TOM1L2: variants seen among roughly 807,000 people sequenced by gnomAD.
The protein encoded by TOM1L2 is target of myb1 like 2 membrane trafficking protein.
A neutral mutation model predicts 67.9 loss-of-function variants in TOM1L2; 31 were observed. That is an observed-to-expected ratio of 0.46 (90% CI 0.34 to 0.62). The LOEUF (loss-of-function observed/expected upper bound fraction) is 0.62, where lower values mean the gene tolerates loss of function less well. TOM1L2 is among the 20% of genes least tolerant of loss of function. The pLI, the probability that TOM1L2 is intolerant of heterozygous loss-of-function variation, is 0.01. For missense variants in TOM1L2, 606 were observed against 663.5 expected (o/e 0.91, Z 0.95); for synonymous variants, 256 against 254.0 (o/e 1.01, Z -0.07).
intron 9 of TOM1L2, 145 bp from the exon 10 acceptor site, chr17:17,866,564 G>A: frequency 3.6e-6 from 4 of 1,109,480 alleles, no homozygotes; most frequent in Non-Finnish European, 5.0e-6. Flanking sequence ...TCCCCCACCT[G>A]CCTTCCAGGT....
intron 12 of TOM1L2, chr17:17,859,450 G>C (rs777272185): frequency 6.6e-6 from 1 of 152,276 alleles, no homozygotes; most frequent in African/African-American, 2.4e-5. Context: ...CTTGGGATGG[G>C]ACAAGGTAAC....
intron 7 of TOM1L2, among the ~76,000 whole-genome samples, chr17:17,873,171 G>C (rs2037240772): frequency 6.6e-6 from 1 of 152,132 alleles, no homozygotes; most frequent in South Asian, 2.1e-4. Flanking sequence ...AAGGCCTCAG[G>C]ATGTTTCCCC....
In TOM1L2 at chr17:17,898,559, C is replaced by T. The variant is rs761760720; in HGVS notation, c.216+37G>A. 8.1e-6 allele frequency: 13 copies of T among 1,609,066 alleles called. No homozygotes were observed. In the African/African-American group the frequency reaches 1.7e-4, roughly 22 times the overall value. On this transcript the variant is annotated intron_variant, in intron 3 of 14. Transcript: ENST00000379504. ...GGCAAGGCCAGGAGCAAGGAGTTCC[C>T]CAGATGACTTCTCTCCTCAAGGAGA... is the stretch of plus-strand genomic sequence containing the variant.
At chr17:17,915,874 A>G (rs7207043) in intron 1 of TOM1L2, among the ~76,000 whole-genome samples, 72,355 of 147,326 alleles carry the variant, frequency 0.49, 18,955 homozygotes, top group East Asian at 0.86. Context: ...TTAAGCTGTA[A>G]GAGTTCTTTA....
chr17:17,905,361 G>GGGAAAC (rs2039045098), intron 2 of TOM1L2, among the ~76,000 whole-genome samples: 1 of 152,192 alleles, frequency 6.6e-6, no homozygotes, highest in African/African-American at 2.4e-5. Context: ...TCAGGAAACA[G>GGGAAAC]CAGCTCCATC....
chr17:17,957,260 C>T (rs1037573979), intron 1 of TOM1L2, among the ~76,000 whole-genome samples: 6 of 152,252 alleles, frequency 3.9e-5, no homozygotes, highest in Non-Finnish European at 8.8e-5. Context: ...GGATTACAGG[C>T]ATGAGCCACC....
intron 3 of TOM1L2, among the ~76,000 whole-genome samples, chr17:17,896,195 T>C (rs1240276409): frequency 6.6e-6 from 1 of 152,072 alleles, no homozygotes; most frequent in Non-Finnish European, 1.5e-5. Flanking sequence ...CTCAAGGGCC[T>C]TACAGGCACC....
At chr17:17,927,255 A>G (rs1421999417) in intron 1 of TOM1L2, among the ~76,000 whole-genome samples, 3 of 152,216 alleles carry the variant, frequency 2.0e-5, no homozygotes, top group African/African-American at 7.2e-5. Context: ...TATTTTCAGC[A>G]CACTGTACCA....
At chr17:17,951,886 T>C (rs945496292) in intron 1 of TOM1L2, among the ~76,000 whole-genome samples, 1 of 152,184 alleles carries the variant, frequency 6.6e-6, no homozygotes. Context: ...TGCCCAGTAC[T>C]GATGAGAGTG....
At chr17:17,885,924 CAAAAAAA>C (rs35579807) in intron 4 of TOM1L2, among the ~76,000 whole-genome samples, 1 of 66,244 alleles carries the variant, frequency 1.5e-5, no homozygotes, top group Non-Finnish European at 2.8e-5. Flanking sequence ...GACTCCGTCT[CAAAAAAA>C]AAAAAAAAAA....
intron 13 of TOM1L2, among the ~76,000 whole-genome samples, chr17:17,849,843 C>T (rs751340525): frequency 2.6e-5 from 4 of 152,216 alleles, no homozygotes; most frequent in Non-Finnish European, 5.9e-5. Context: ...AATTTCTTTT[C>T]GAGACAGCCC....
rs192346676 is a variant in TOM1L2 at position 17,968,223 on chromosome 17, G to A, written c.52+4039C>T. The stretch of plus-strand genomic sequence containing the variant: ...TTTGTATCCCCAGAGCCTGGCACAG[G>A]CCTGGCCCCCCACAGGCACTCATAA... On this transcript the variant is annotated intron_variant, in intron 1 of 14. Transcript: ENST00000379504. Among the ~76,000 whole-genome samples the A allele has an allele frequency of 1.0e-3, 154 of 152,276 alleles. 1 individual carries two copies. Among genetic ancestry groups the A allele is most frequent in the African/African-American group, 3.5e-3 (144 of 41,546 alleles).
At chr17:17,878,774 G>A (rs1471988336) in intron 7 of TOM1L2, among the ~76,000 whole-genome samples, 1 of 152,208 alleles carries the variant, frequency 6.6e-6, no homozygotes. Context: ...AAGTGTGTGG[G>A]GCCTTGCAGT....
chr17:17,963,655 A>G (rs928420927), intron 1 of TOM1L2, among the ~76,000 whole-genome samples: 1 of 152,250 alleles, frequency 6.6e-6, no homozygotes, highest in East Asian at 1.9e-4. Context: ...TAGTAATGTT[A>G]GCTTTCAAAG....
Position 17,871,442 on chromosome 17 carries a change from G to A in TOM1L2, c.778-1969C>T, listed in dbSNP as rs139027770. 8.1e-3 allele frequency among the ~76,000 whole-genome samples: 1,230 copies of A among 152,326 alleles called. 23 individuals carry two copies. The highest frequency in any genetic ancestry group is 0.027 in the African/African-American group (1,137 of 41,580). On this transcript the variant is annotated intron_variant, in intron 7 of 14. Transcript: ENST00000379504. ...CCCAGCACTTTGGGAGGCCGAGGCA[G>A]GCGGATCACTTGAGGTCAGGAGTTT...
At chr17:17,913,258 C>CGGGAGAGGGAGAGGGAGAGGGAGA (rs796284800) in intron 1 of TOM1L2, among the ~76,000 whole-genome samples, 2 of 143,352 alleles carry the variant, frequency 1.4e-5, no homozygotes, top group African/African-American at 5.9e-5. Context: ...CGTGGGGAGA[C>CGGGAGAGGGAGAGGGAGAGGGAGA]GGGAGAGGGA....
chr17:17,900,744 C>T (rs2038813516), intron 2 of TOM1L2, among the ~76,000 whole-genome samples: 2 of 152,186 alleles, frequency 1.3e-5, no homozygotes, highest in African/African-American at 2.4e-5. Flanking sequence ...GTACGGCTGC[C>T]ATTTCCAAAA....
chr17:17,862,929 G>T, intron 10 of TOM1L2, 81 bp from the exon 11 acceptor site: 1 of 508,328 alleles, frequency 2.0e-6, no homozygotes, highest in South Asian at 1.9e-5. Flanking sequence ...AAGCTAGGAC[G>T]CCAGCCAGGT....
intron 1 of TOM1L2, among the ~76,000 whole-genome samples, chr17:17,920,335 A>ATTTTTTT (rs771122365): frequency 1.3e-4 from 12 of 93,268 alleles, no homozygotes; most frequent in African/African-American, 3.3e-4. Context: ...AATGTTCAAT[A>ATTTTTTT]TTTTTTTTTT....
Sources: allele counts gnomAD v4.1 joint callset (sites outside exome capture counted in the v4.1 genomes callset), GRCh38; gene constraint gnomAD v4.1.1; transcripts MANE v1.5; gene names NCBI Gene and HGNC (gene_info 2026-07-23, HGNC 2026-07-21).